The following SCN4A variants were observed in gnomAD, a reference collection of about 807,000 sequenced individuals.
The protein encoded by SCN4A is sodium channel protein type 4 subunit alpha.
Under a neutral mutation model 162.0 loss-of-function variants are expected in SCN4A, and 83 were observed. The observed-to-expected ratio is 0.51, with a 90% CI of 0.43 to 0.61. The LOEUF (loss-of-function observed/expected upper bound fraction) is 0.61, where lower values mean the gene tolerates loss of function less well. Among genes scored for constraint, SCN4A ranks in the 20% least tolerant of loss-of-function variants. The pLI is 0.00. For synonymous variants in SCN4A, 944 were observed against 985.1 expected (o/e 0.96, Z 0.78); for missense variants, 2,196 against 2,462.5 (o/e 0.89, Z 2.29).
chr17:63,948,704 CCA>C lies in SCN4A; in HGVS notation c.3049_3050del (p.Trp1017ValfsTer39), dbSNP rs1232099632. On this transcript the variant is annotated frameshift_variant, in exon 16 of 24. Coordinates refer to ENST00000435607, the MANE Select transcript of SCN4A (RefSeq NM_000334.4). LOFTEE classifies it high-confidence loss of function. ...TGAAGCAGGCCCTGCGCAGAGTCCA[CCA>C]CTTCTTCCCACGGCCCTGGGAGATG... is the stretch of plus-strand genomic sequence containing the variant. ...VDISQGRGKK[W>X]WTLRRACFKI... is the part of the protein sequence containing the mutation. 1 of 1,613,564 alleles carries C rather than the reference CCA, an allele frequency of 6.2e-7. No homozygotes were observed. Among genetic ancestry groups the C allele is most frequent in the Non-Finnish European group, 8.5e-7 (1 of 1,179,732 alleles).
intron 5 of SCN4A, among the ~76,000 whole-genome samples, chr17:63,968,765 T>C (rs1228579266): frequency 6.6e-6 from 1 of 152,240 alleles, no homozygotes; most frequent in East Asian, 1.9e-4. Flanking sequence ...TAGATTCTGC[T>C]CTTGGAGAGT....
At chr17:63,964,735 A>C (rs1909384475) in intron 8 of SCN4A, 58 bp from the exon 9 acceptor site, 3 of 1,400,758 alleles carry the variant, frequency 2.1e-6, no homozygotes, top group Non-Finnish European at 3.0e-6. Context: ...CCTTTGACCC[A>C]GTGCCCCTTT....
chr17:63,944,982 C>A lies in SCN4A; in HGVS notation c.3774+25G>T. 2 of 1,612,388 alleles carry A rather than the reference C, an allele frequency of 1.2e-6. No individual in the cohort carries two copies. Among genetic ancestry groups the A allele is most frequent in the Non-Finnish European group, 1.7e-6 (2 of 1,178,614 alleles). ...TCCTCTTCCCTGGCTCGCTCACCAG[C>A]CACATCTCAGCGACCCCGACTCACC... On this transcript the variant is annotated intron_variant, in intron 20 of 23. Transcript: ENST00000435607. This position sits in a 1 kb window ranked among gnomAD's most constrained non-coding sequence, Gnocchi z 4.3.
chr17:63,941,396 G>T lies in SCN4A; in HGVS notation c.4886C>A (p.Pro1629His), dbSNP rs202102815. 2 of 1,613,884 alleles carry T rather than the reference G, an allele frequency of 1.2e-6. No homozygotes were observed. Among genetic ancestry groups the T allele is most frequent in the Admixed American group, 1.7e-5 (1 of 60,002 alleles). Reference sequence around the variant, plus strand: ...GTAGGCGATGAACTGGGTGGCGTCGGGGTCGAACTTCTCCCATGTCTCGTA... The same window carrying T: ...GTAGGCGATGAACTGGGTGGCGTCGTGGTCGAACTTCTCCCATGTCTCGTA... ...MFYETWEKFD[P>H]DATQFIAYSR... The change falls in exon 24 of 24, where the codon CCC becomes CAC. Residue 1629 changes from proline (P) to histidine (H), a missense_variant. Coordinates refer to ENST00000435607, the MANE Select transcript of SCN4A (RefSeq NM_000334.4). This position sits in a 1 kb window ranked among gnomAD's most constrained non-coding sequence, Gnocchi z 6.2.
chr17:63,940,847 G>GGGCT lies in SCN4A; in HGVS notation c.5431_5434dup (p.Pro1812GlnfsTer36). On this transcript the variant is annotated frameshift_variant, in exon 24 of 24. Coordinates refer to ENST00000435607, the MANE Select transcript of SCN4A (RefSeq NM_000334.4). LOFTEE classifies it high-confidence loss of function. ...GGCGGGAGGCCAGGCAGTGTCTGAG[G>GGGCT]GGCTGATGGGCATCAGCCCCATAGT... 6.2e-7 allele frequency: 1 copy of GGGCT among 1,612,370 alleles called. No homozygotes were observed. The highest frequency in any genetic ancestry group is 8.5e-7 in the Non-Finnish European group (1 of 1,178,990).
At chr17:63,965,135 C>T (rs1477910633) in intron 8 of SCN4A, among the ~76,000 whole-genome samples, 1 of 151,472 alleles carries the variant, frequency 6.6e-6, no homozygotes, top group Non-Finnish European at 1.5e-5. Flanking sequence ...ACCTCCACCT[C>T]CCAGGTTGAA....
intron 23 of SCN4A, among the ~76,000 whole-genome samples, chr17:63,942,508 G>A (rs1165433477): frequency 6.6e-6 from 1 of 152,230 alleles, no homozygotes; most frequent in Non-Finnish European, 1.5e-5. Context: ...TCTATCATAA[G>A]CACACGCATG....
At chr17:63,946,473 C>CCA (rs1491246498) in intron 18 of SCN4A, among the ~76,000 whole-genome samples, 1 of 122,490 alleles carries the variant, frequency 8.2e-6, no homozygotes, top group Non-Finnish European at 1.6e-5. Context: ...CCCCCCCCCC[C>CCA]ACCCCGCCGC....
rs769758249 is a variant in SCN4A at position 63,940,984 on chromosome 17, AG to A, written c.5297del (p.Pro1766LeufsTer11). 6.2e-7 allele frequency: 1 copy of A among 1,613,098 alleles called. No individual in the cohort carries two copies. The highest frequency in any genetic ancestry group is 2.2e-5 in the East Asian group (1 of 44,848). ...HSHDGSGDDA[P>X]EKEGLLANTM... ...TGTTGGCAAGCAGCCCCTCCTTCTC[AG>A]GGGCGTCATCCCCGCTGCCGTCGTG... On this transcript the variant is annotated frameshift_variant, in exon 24 of 24. Transcript: ENST00000435607. LOFTEE classifies it low-confidence loss of function (END_TRUNC).
At chr17:63,968,590 A>T (rs1209014798) in intron 5 of SCN4A, among the ~76,000 whole-genome samples, 4 of 152,176 alleles carry the variant, frequency 2.6e-5, no homozygotes, top group Admixed American at 2.0e-4. Context: ...AACTATAAAG[A>T]CCTGATGGGC....
chr17:63,947,115 G>T lies in SCN4A; in HGVS notation c.3371C>A (p.Pro1124His), dbSNP rs924313348. 12 of 1,613,458 alleles carry T rather than the reference G, an allele frequency of 7.4e-6. No homozygotes were observed. The Admixed American group carries it at 8.3e-5, about 11-fold the overall frequency. ...ANWLGYSELG[P>H]IKSLRTLRAL... ...CCGCAGTGTCCGCAGGGATTTGATG[G>T]GTCCCAGCTCCGAGTAGCCCAGCCA... The change falls in exon 18 of 24, where the codon CCC (proline) becomes CAC (histidine). Residue 1124 changes from proline to histidine, a missense_variant. Transcript: ENST00000435607.
intron 6 of SCN4A, 56 bp from the exon 7 acceptor site, chr17:63,966,600 G>A (rs1909455066): frequency 7.4e-7 from 1 of 1,353,206 alleles, no homozygotes; most frequent in Non-Finnish European, 1.1e-6. Context: ...CACAGTGTGA[G>A]CACCTGCGCC....
chr17:63,949,407 T>C lies in SCN4A; in HGVS notation c.2975A>G (p.Glu992Gly), dbSNP rs1908833429. Residue 992 changes from glutamate to glycine, a missense_variant, in exon 15 of 24, where the codon GAG becomes GGG. By Grantham distance (98) the Glu-to-Gly change is moderately conservative. Transcript: ENST00000435607. ...GGTGCCCTCACCCTCAGTGAAGCAC[T>C]CCTCAGGCTGCTCCCCCTCGGGGTT... ...EENPEGEQPEECFTEACVQRW... is the reference protein window; with the variant it reads ...EENPEGEQPEGCFTEACVQRW... 1 of 1,583,054 alleles carries C rather than the reference T, an allele frequency of 6.3e-7. No homozygotes were observed. Among genetic ancestry groups the C allele is most frequent in the African/African-American group, 1.3e-5 (1 of 74,244 alleles).
chr17:63,958,800 G>T (rs62070885), intron 12 of SCN4A, among the ~76,000 whole-genome samples: 1 of 152,334 alleles, frequency 6.6e-6, no homozygotes, highest in South Asian at 2.1e-4. Flanking sequence ...TGATCCACGC[G>T]CCTTGGCCTC....
chr17:63,968,704 G>A (rs893441479), intron 5 of SCN4A, among the ~76,000 whole-genome samples: 1 of 152,206 alleles, frequency 6.6e-6, no homozygotes, highest in Non-Finnish European at 1.5e-5. Context: ...AATCTCCCAT[G>A]CTGTGCCCTT....
Position 63,971,251 on chromosome 17 carries a change from T to C in SCN4A, c.614A>G (p.Tyr205Cys), listed in dbSNP as rs1021505320. 8 of 1,507,926 alleles carry C rather than the reference T, an allele frequency of 5.3e-6. No homozygotes were observed. The African/African-American group carries it at 8.4e-5, about 16-fold the overall frequency. 93.4% of individuals were successfully genotyped at this position (1,507,926 alleles called of 1,614,324 possible). ...WLDFSVIMMA[Y>C]LTEFVDLGNI... is the part of the protein sequence containing the mutation. Reference sequence around the variant, plus strand: ...GCCCAAGTCCACAAACTCTGTCAGGTACCTGGGTAGGGGGTGGAGGGGGGT... The same window carrying C: ...GCCCAAGTCCACAAACTCTGTCAGGCACCTGGGTAGGGGGTGGAGGGGGGT... The change falls in exon 5 of 24, where the codon TAC (tyrosine) becomes TGC (cysteine). Residue 205 changes from tyrosine (Y) to cysteine (C), a missense_variant and splice_region_variant. Tyr to Cys is a radical substitution (Grantham distance 194). Transcript: ENST00000435607.
At position 63,941,366 on chromosome 17, in the gene SCN4A, C is replaced by A; in HGVS notation, c.4916G>T (p.Arg1639Leu). The A allele has an allele frequency of 6.2e-7, 1 of 1,613,856 alleles. No homozygotes were observed. The highest frequency in any genetic ancestry group is 1.1e-5 in the South Asian group (1 of 91,066). Residue 1639 changes from arginine to leucine, a missense_variant, in exon 24 of 24, where the codon CGC becomes CTC. Transcript: ENST00000435607. This position sits in a 1 kb window ranked among gnomAD's most constrained non-coding sequence, Gnocchi z 6.2. ...CAGGGTGTCCACGAAGTCTGAGAGG[C>A]GGCTGTAGGCGATGAACTGGGTGGC... ...PDATQFIAYS[R>L]LSDFVDTLQE...
At chr17:63,964,806 G>T in intron 8 of SCN4A, 129 bp from the exon 9 acceptor site, 4 of 694,342 alleles carry the variant, frequency 5.8e-6, no homozygotes, top group Non-Finnish European at 7.2e-6. Flanking sequence ...CTGGGGGACT[G>T]ATGGCCGTCA....
chr17:63,946,473 C>CG (rs1491246498), intron 18 of SCN4A, among the ~76,000 whole-genome samples: 4 of 122,490 alleles, frequency 3.3e-5, no homozygotes, highest in Admixed American at 1.5e-4. Context: ...CCCCCCCCCC[C>CG]ACCCCGCCGC....
Sources: gnomAD v4.1 joint callset for allele counts (sites outside exome capture counted in the v4.1 genomes callset) on GRCh38, gnomAD v4.1.1 for gene constraint, Gnocchi (gnomAD v3.1) non-coding constraint, MANE v1.5 for transcripts, NCBI Gene and HGNC (gene_info 2026-07-23, HGNC 2026-07-21) for gene names.